The following DNAH14 variants were observed in gnomAD, a reference collection of about 807,000 sequenced individuals.
DNAH14 encodes axonemal beta dynein heavy chain 14.
In DNAH14, 478 loss-of-function variants were observed where a neutral mutation model predicts 520.9. The ratio of observed to expected loss-of-function variants is 0.92; its 90% CI spans 0.85 to 0.99. The LOEUF (loss-of-function observed/expected upper bound fraction) is 0.99. Among genes scored for constraint, DNAH14 ranks in the 50% least tolerant of loss-of-function variants. The pLI is 0.00. For synonymous variants in DNAH14, 1,581 were observed against 1,757.2 expected, an observed-to-expected ratio of 0.90 and a Z score of 2.51; for missense variants, 4,831 against 5,234.5, an observed-to-expected ratio of 0.92 and a Z score of 2.38.
intron 31 of DNAH14, among the ~76,000 whole-genome samples, chr1:225,148,338 G>A (rs2080142375): frequency 6.6e-6 from 1 of 150,650 alleles, no homozygotes; most frequent in Non-Finnish European, 1.5e-5. Flanking sequence ...TGACTGATGT[G>A]AGATAGTATC....
At chr1:225,017,772 C>T (rs544518960) in intron 10 of DNAH14, among the ~76,000 whole-genome samples, 2 of 152,226 alleles carry the variant, frequency 1.3e-5, no homozygotes, top group South Asian at 2.1e-4. Flanking sequence ...CCTAGCCACC[C>T]AAGGTTAAAG....
At chr1:225,176,999 G>A (rs956979598) in intron 36 of DNAH14, among the ~76,000 whole-genome samples, 1 of 152,134 alleles carries the variant, frequency 6.6e-6, no homozygotes, top group African/African-American at 2.4e-5. Flanking sequence ...CAGTTTGGAG[G>A]GCTCAGAAGA....
intron 43 of DNAH14, among the ~76,000 whole-genome samples, chr1:225,248,977 CCCCAGCA>C (rs1306856879): frequency 6.6e-6 from 1 of 152,202 alleles, no homozygotes; most frequent in Non-Finnish European, 1.5e-5. Flanking sequence ...GTGCTCATTT[CCCCAGCA>C]CCTGGGTGCA....
intron 81 of DNAH14, among the ~76,000 whole-genome samples, chr1:225,384,400 A>G (rs2095816070): frequency 2.0e-5 from 3 of 152,244 alleles, no homozygotes; most frequent in South Asian, 2.1e-4. Context: ...AAAGAGATAG[A>G]GACACAAAAA....
chr1:225,358,942 G>A (rs913558575), intron 74 of DNAH14, among the ~76,000 whole-genome samples: 1 of 152,182 alleles, frequency 6.6e-6, no homozygotes, highest in African/African-American at 2.4e-5. Context: ...TGCCATGATT[G>A]TAAGTTTCCT....
intron 1 of DNAH14, among the ~76,000 whole-genome samples, chr1:224,936,497 C>T (rs1048091344): frequency 2.6e-5 from 4 of 151,782 alleles, no homozygotes; most frequent in African/African-American, 9.7e-5. Context: ...TGGACATATA[C>T]AACCTATTAA....
chr1:225,216,642 A>G (rs2089383093), intron 41 of DNAH14, among the ~76,000 whole-genome samples: 1 of 152,022 alleles, frequency 6.6e-6, no homozygotes, highest in Non-Finnish European at 1.5e-5. Context: ...CATTTCATTC[A>G]TTTGATCTTC....
intron 1 of DNAH14, among the ~76,000 whole-genome samples, chr1:224,945,140 T>C (rs1235339193): frequency 6.6e-6 from 1 of 152,234 alleles, no homozygotes; most frequent in African/African-American, 2.4e-5. Context: ...CAATCAGATG[T>C]AGATTTGGTC....
At chr1:225,159,820 G>A (rs2081363700) in intron 35 of DNAH14, among the ~76,000 whole-genome samples, 2 of 152,044 alleles carry the variant, frequency 1.3e-5, no homozygotes, top group African/African-American at 4.8e-5. Flanking sequence ...AATTAGATCA[G>A]CATTATGAAA....
intron 41 of DNAH14, among the ~76,000 whole-genome samples, chr1:225,220,142 T>C (rs1391523637): frequency 1.3e-5 from 2 of 152,186 alleles, no homozygotes; most frequent in East Asian, 3.8e-4. Context: ...AAACTAGATA[T>C]TGATAGAACA....
Position 224,982,084 on chromosome 1 carries a change from G to C in DNAH14, c.830+7931G>C, listed in dbSNP as rs543154857. 7.2e-5 allele frequency among the ~76,000 whole-genome samples: 11 copies of C among 152,060 alleles called. No homozygotes were observed. The East Asian group carries it at 1.5e-3, about 21-fold the overall frequency. Reference sequence around the variant, plus strand: ...ACCTTTGAGACAAATGGCCCTCTCAGGGGGAGGTCAACTAGGGATATTGCC... The same window carrying C: ...ACCTTTGAGACAAATGGCCCTCTCACGGGGAGGTCAACTAGGGATATTGCC... On this transcript the variant is annotated intron_variant, in intron 8 of 85. Coordinates refer to ENST00000682510, the MANE Select transcript of DNAH14 (RefSeq NM_001367479.1).
Position 225,142,255 on chromosome 1 carries a change from G to A in DNAH14, c.4508+1234G>A, listed in dbSNP as rs369136166. Among the ~76,000 whole-genome samples the A allele has an allele frequency of 3.4e-4, 52 of 152,236 alleles. 1 individual carries two copies. The South Asian group carries it at 0.011, about 31-fold the overall frequency. The stretch of plus-strand genomic sequence containing the variant: ...ACTAGAAAAGAGAAGATTCTAATAA[G>A]ACTCTGTAAGTGTCTATGAGTTTAG... On this transcript the variant is annotated intron_variant, in intron 28 of 85. Coordinates refer to ENST00000682510, the MANE Select transcript of DNAH14 (RefSeq NM_001367479.1).
At chr1:225,102,522 T>C (rs2075593815) in intron 23 of DNAH14, among the ~76,000 whole-genome samples, 1 of 152,156 alleles carries the variant, frequency 6.6e-6, no homozygotes, top group Admixed American at 6.5e-5. Flanking sequence ...GTAAAAGTGT[T>C]CCTATTTCTC....
At chr1:225,347,660 A>G (rs2095306985) in intron 71 of DNAH14, among the ~76,000 whole-genome samples, 1 of 152,192 alleles carries the variant, frequency 6.6e-6, no homozygotes, top group South Asian at 2.1e-4. Flanking sequence ...TAGGAGGAGC[A>G]AGGGATTAGA....
intron 27 of DNAH14, among the ~76,000 whole-genome samples, chr1:225,132,671 A>G (rs1037325300): frequency 5.3e-4 from 80 of 152,328 alleles, no homozygotes; most frequent in African/African-American, 1.8e-3. Flanking sequence ...TAGTGCTTCA[A>G]TGAACATACA....
Position 224,972,300 on chromosome 1 carries a change from T to A in DNAH14, c.768-1791T>A, listed in dbSNP as rs11800075. On this transcript the variant is annotated intron_variant, in intron 7 of 85. Transcript: ENST00000682510. Reference sequence around the variant, plus strand: ...TTACTTAATTTTTAAATTTTATGATTTATTTATTTATTATTTTTTTTGAGA... The same window carrying A: ...TTACTTAATTTTTAAATTTTATGATATATTTATTTATTATTTTTTTTGAGA... Among the ~76,000 whole-genome samples, 1,091 of 152,146 alleles carry A rather than the reference T, an allele frequency of 7.2e-3. 14 individuals are homozygous for A. Among genetic ancestry groups the A allele is most frequent in the African/African-American group, 0.025 (1,041 of 41,526 alleles).
At chr1:224,982,409 A>G (rs1027247224) in intron 8 of DNAH14, among the ~76,000 whole-genome samples, 1 of 152,202 alleles carries the variant, frequency 6.6e-6, no homozygotes, top group Non-Finnish European at 1.5e-5. Context: ...TGTGAGGAGC[A>G]ATACCCAACT....
chr1:225,050,980 T>C (rs923924733), intron 16 of DNAH14, among the ~76,000 whole-genome samples: 10 of 152,144 alleles, frequency 6.6e-5, no homozygotes, highest in Non-Finnish European at 1.5e-4. Flanking sequence ...CCTATGAGAA[T>C]CTAATGCCAC....
intron 41 of DNAH14, among the ~76,000 whole-genome samples, chr1:225,225,620 A>T (rs2090462105): frequency 6.6e-6 from 1 of 152,204 alleles, no homozygotes; most frequent in Admixed American, 6.5e-5. Context: ...CTACTAGCAC[A>T]AGTCTTGTTT....
Sources: allele counts gnomAD v4.1 joint callset (sites outside exome capture counted in the v4.1 genomes callset), GRCh38; gene constraint gnomAD v4.1.1; transcripts MANE v1.5; gene names NCBI Gene and HGNC (gene_info 2026-07-23, HGNC 2026-07-21).